TRDN: variants seen among roughly 807,000 people sequenced by gnomAD.
The protein encoded by TRDN is triadin in skeletal muscle.
In TRDN, 161 loss-of-function variants were observed where a neutral mutation model predicts 149.7. The observed-to-expected ratio is 1.08, with a 90% confidence interval of 0.95 to 1.23. The LOEUF (loss-of-function observed/expected upper bound fraction) is 1.23. Among genes scored for constraint, TRDN ranks in the 50% most tolerant of loss-of-function variants. The pLI, the probability that TRDN is intolerant of heterozygous loss-of-function variation, is 0.00. For synonymous variants in TRDN, 294 were observed against 250.5 expected (o/e 1.17, Z -1.64); for missense variants, 896 against 823.5 (o/e 1.09, Z -1.08).
intron 12 of TRDN, among the ~76,000 whole-genome samples, chr6:123,430,536 C>A (rs1318984039): frequency 1.3e-5 from 2 of 151,914 alleles, no homozygotes; most frequent in Admixed American, 6.6e-5. Flanking sequence ...AAGCCGAGAT[C>A]GCGCCACTGC....
intron 33 of TRDN, among the ~76,000 whole-genome samples, chr6:123,264,167 T>C (rs1011230688): frequency 2.6e-5 from 4 of 152,088 alleles, no homozygotes; most frequent in African/African-American, 9.7e-5. Context: ...TCATATATAG[T>C]GACTCATCTG....
At chr6:123,229,846 T>C (rs76450203) in intron 38 of TRDN, among the ~76,000 whole-genome samples, 76 of 152,116 alleles carry the variant, frequency 5.0e-4, no homozygotes, top group African/African-American at 1.8e-3. Context: ...TTATTCTTAA[T>C]TATGTAGGTT....
intron 1 of TRDN, among the ~76,000 whole-genome samples, chr6:123,599,368 A>C (rs56377194): frequency 0.044 from 6,626 of 152,152 alleles, 199 homozygotes; most frequent in Non-Finnish European, 0.058. Context: ...ATTGCAAAGT[A>C]CACAACTGAT....
chr6:123,539,833 T>C lies in TRDN; in HGVS notation c.424+7507A>G, dbSNP rs1320563570. Reference sequence around the variant, plus strand: ...ACTGTCTAACTCACTGGCCTCAGGATGCATAAAATTCCCTATTTATAGCAT... The same window carrying C: ...ACTGTCTAACTCACTGGCCTCAGGACGCATAAAATTCCCTATTTATAGCAT... On this transcript the variant is annotated intron_variant, in intron 4 of 40. Coordinates refer to ENST00000334268, the MANE Select transcript of TRDN (RefSeq NM_006073.4). Among the ~76,000 whole-genome samples, 3 of 152,224 alleles carry C rather than the reference T, an allele frequency of 2.0e-5. No homozygotes were observed. In the East Asian group the frequency reaches 5.8e-4, roughly 29 times the overall value.
At chr6:123,346,579 C>G (rs568350939) in intron 21 of TRDN, among the ~76,000 whole-genome samples, 196 of 152,018 alleles carry the variant, frequency 1.3e-3, no homozygotes, top group African/African-American at 4.5e-3. Context: ...AGAAACTGTT[C>G]TTTGTGTTGT....
rs956350391 is a variant in TRDN, at chr6:123,337,605, A to G, written c.1420+14T>C. 1.6e-6 allele frequency: 2 copies of G among 1,269,728 alleles called. No individual in the cohort carries two copies. The highest frequency in any genetic ancestry group is 5.3e-5 in the Admixed American group (2 of 37,404). The allele number at this position is 1,269,728 out of a possible 1,614,324, so 78.7% of individuals were successfully genotyped here. A position where few individuals can be genotyped will look rare whatever the true frequency, so the allele number is the denominator to read the frequency against. The stretch of plus-strand genomic sequence containing the variant: ...TAATAAATTTGTAATATTATATTAA[A>G]TTAACTCTGTTACCTTTATCTTTCA... On this transcript the variant is annotated intron_variant, in intron 22 of 40. Transcript: ENST00000334268.
intron 2 of TRDN, among the ~76,000 whole-genome samples, chr6:123,549,776 AGT>A (rs988897009): frequency 3.3e-5 from 5 of 152,050 alleles, no homozygotes; most frequent in African/African-American, 1.2e-4. Context: ...GGGTGGTAAC[AGT>A]GTGTGTGGTG....
chr6:123,498,981 A>C (rs1408989855), intron 8 of TRDN, among the ~76,000 whole-genome samples: 1 of 152,198 alleles, frequency 6.6e-6, no homozygotes, highest in Non-Finnish European at 1.5e-5. Context: ...CATCATCCAA[A>C]AAAAATTAAA....
intron 9 of TRDN, among the ~76,000 whole-genome samples, chr6:123,474,696 G>A (rs1777369594): frequency 6.6e-6 from 1 of 151,866 alleles, no homozygotes; most frequent in Non-Finnish European, 1.5e-5. Flanking sequence ...CTCAGCAAAT[G>A]TAAAAGAACA....
intron 9 of TRDN, among the ~76,000 whole-genome samples, chr6:123,465,535 A>T (rs1239325222): frequency 6.7e-6 from 1 of 149,156 alleles, no homozygotes; most frequent in Non-Finnish European, 1.5e-5. Flanking sequence ...GTTTTATAGA[A>T]CTTTGAAAGC....
chr6:123,464,861 AT>A, intron 10 of TRDN, 44 bp downstream of exon 10: 1 of 1,547,342 alleles, frequency 6.5e-7, no homozygotes, highest in Non-Finnish European at 8.7e-7. Context: ...TCTACATTCT[AT>A]TTTATCTACA....
intron 21 of TRDN, chr6:123,349,444 A>G: frequency 1.3e-6 from 1 of 790,484 alleles, no homozygotes; most frequent in Non-Finnish European, 1.5e-6. Flanking sequence ...AGCACGAAGT[A>G]TTGTCAAAAA....
chr6:123,381,234 T>G, intron 16 of TRDN, 136 bp downstream of exon 16: 1 of 780,926 alleles, frequency 1.3e-6, no homozygotes, highest in African/African-American at 1.7e-5. Flanking sequence ...TTTTTTCACT[T>G]GGACAAAAAA....
chr6:123,542,793 T>C (rs1406370218), intron 4 of TRDN, among the ~76,000 whole-genome samples: 1 of 152,000 alleles, frequency 6.6e-6, no homozygotes, highest in Non-Finnish European at 1.5e-5. Context: ...TTTAAGACTT[T>C]TGGGTTTTCG....
rs1780200627 is a variant in TRDN, at chr6:123,530,632, A to G, written c.425-67T>C. On this transcript the variant is annotated intron_variant, in intron 4 of 40. Transcript: ENST00000334268. ...GTATAAAATTTAAGCCATAGCTATG[A>G]CCTAAACTTTATAAACCTACCACAA... The G allele has an allele frequency of 4.2e-6, 4 of 952,982 alleles. No homozygotes were observed. In the South Asian group the frequency reaches 8.1e-5, roughly 19 times the overall value. The allele number at this position is 952,982 out of a possible 1,614,324, so 59.0% of individuals were successfully genotyped here. A position where few individuals can be genotyped will look rare whatever the true frequency, so the allele number is the denominator to read the frequency against.
rs566695637 is a variant in TRDN, at chr6:123,569,345, T to C, written c.232+1578A>G. 6.4e-4 allele frequency among the ~76,000 whole-genome samples: 97 copies of C among 152,312 alleles called. 1 individual carries two copies. Among genetic ancestry groups the C allele is most frequent in the South Asian group, 4.8e-3 (23 of 4,824 alleles). On this transcript the variant is annotated intron_variant, in intron 2 of 40. Transcript: ENST00000334268. The stretch of plus-strand genomic sequence containing the variant: ...ACCATTTAACCAGTCACTAAGAAGT[T>C]TCAATCTTTCCTTCCTCTTCCTATC...
chr6:123,601,466 C>T (rs1039963983), intron 1 of TRDN, among the ~76,000 whole-genome samples: 6 of 152,064 alleles, frequency 3.9e-5, no homozygotes, highest in African/African-American at 7.2e-5. Context: ...TTCATCATAA[C>T]AGGGACTATA....
At chr6:123,238,208 AC>A (rs1775857777) in intron 38 of TRDN, among the ~76,000 whole-genome samples, 1 of 152,186 alleles carries the variant, frequency 6.6e-6, no homozygotes, top group African/African-American at 2.4e-5. Context: ...GAAATGGTAA[AC>A]TATTAAACTG....
At chr6:123,610,126 A>G (rs1051798663) in intron 1 of TRDN, among the ~76,000 whole-genome samples, 1 of 152,208 alleles carries the variant, frequency 6.6e-6, no homozygotes, top group African/African-American at 2.4e-5. Flanking sequence ...CTTGCATGCA[A>G]TAGCTATTAA....
Sources: allele counts gnomAD v4.1 joint callset (sites outside exome capture counted in the v4.1 genomes callset), GRCh38; gene constraint gnomAD v4.1.1; transcripts MANE v1.5; gene names NCBI Gene and HGNC (gene_info 2026-07-23, HGNC 2026-07-21).